The following ROBO2 variants were observed in gnomAD, a reference collection of about 807,000 sequenced individuals.
ROBO2 encodes roundabout guidance receptor 2.
ROBO2 carries 53 observed loss-of-function variants against 160.8 expected under a neutral mutation model. That is an observed-to-expected ratio of 0.33 (90% CI 0.26 to 0.41). The LOEUF (loss-of-function observed/expected upper bound fraction) is 0.41. ROBO2 is among the 10% of genes least tolerant of loss of function. The pLI, the probability that ROBO2 is intolerant of heterozygous loss-of-function variation, is 1.00. For missense variants in ROBO2, 1,577 were observed against 1,722.4 expected, an observed-to-expected ratio of 0.92 and a Z score of 1.49; for synonymous variants, 664 against 611.7, an observed-to-expected ratio of 1.09 and a Z score of -1.26.
At chr3:77,488,802 T>G (rs529379402) in intron 4 of ROBO2, among the ~76,000 whole-genome samples, 1 of 152,348 alleles carries the variant, frequency 6.6e-6, no homozygotes, top group East Asian at 1.9e-4. Context: ...GCATTTGAAA[T>G]ACATTTTTGG....
intron 5 of ROBO2, among the ~76,000 whole-genome samples, chr3:77,519,117 T>C (rs1028697236): frequency 6.6e-6 from 1 of 151,462 alleles, no homozygotes; most frequent in Non-Finnish European, 1.5e-5. Context: ...TCCCAAGTAA[T>C]ATTTAATTTT....
chr3:77,469,301 C>T (rs902127552), intron 2 of ROBO2, among the ~76,000 whole-genome samples: 1 of 152,154 alleles, frequency 6.6e-6, no homozygotes, highest in Non-Finnish European at 1.5e-5. Context: ...TTGTACATAG[C>T]TCCAGTTTCA....
chr3:77,117,588 A>G (rs10428070), intron 2 of ROBO2, among the ~76,000 whole-genome samples: 27,230 of 151,934 alleles, frequency 0.18, 4,085 homozygotes, highest in African/African-American at 0.41. Flanking sequence ...AAAGTTCTAC[A>G]TAAATTTAAG....
intron 1 of ROBO2, among the ~76,000 whole-genome samples, chr3:75,912,686 G>A (rs954518822): frequency 1.3e-5 from 2 of 152,108 alleles, no homozygotes; most frequent in African/African-American, 4.8e-5. Flanking sequence ...ATTATGGGAA[G>A]GGTGAAATAG....
At chr3:76,590,239 T>C (rs2086330796) in intron 2 of ROBO2, among the ~76,000 whole-genome samples, 2 of 152,288 alleles carry the variant, frequency 1.3e-5, no homozygotes, top group South Asian at 4.1e-4. Flanking sequence ...TGTATGCTAA[T>C]ATTATTTTAA....
chr3:77,245,622 T>TCC (rs2089635085), intron 2 of ROBO2, among the ~76,000 whole-genome samples: 1 of 152,224 alleles, frequency 6.6e-6, no homozygotes, highest in Non-Finnish European at 1.5e-5. Flanking sequence ...AGGATGAAGC[T>TCC]GTGTGGATAC....
At chr3:76,178,299 G>A (rs1012645434) in intron 2 of ROBO2, among the ~76,000 whole-genome samples, 1 of 151,982 alleles carries the variant, frequency 6.6e-6, no homozygotes, top group South Asian at 2.1e-4. Context: ...TTAGATGAGC[G>A]TCATACAGCA....
chr3:76,666,951 TTATATGACATATA>T (rs764616370), intron 2 of ROBO2, among the ~76,000 whole-genome samples: 2 of 134,630 alleles, frequency 1.5e-5, no homozygotes, highest in African/African-American at 5.1e-5. Context: ...TATATATATA[TTATATGACATATA>T]TATATGACAT....
chr3:76,634,710 AAAG>A (rs887319906), intron 2 of ROBO2, among the ~76,000 whole-genome samples: 6 of 152,206 alleles, frequency 3.9e-5, no homozygotes, highest in African/African-American at 1.4e-4. Context: ...GGCTTCAACA[AAAG>A]AAATTGCAAG....
chr3:77,412,938 T>G (rs2076918694), intron 2 of ROBO2, among the ~76,000 whole-genome samples: 2 of 152,148 alleles, frequency 1.3e-5, no homozygotes, highest in South Asian at 4.1e-4. Context: ...TAATAAGGGC[T>G]GGGCACAGTG....
intron 2 of ROBO2, among the ~76,000 whole-genome samples, chr3:77,322,871 T>TGATGTAATATATTATATTATACA (rs1414385587): frequency 1.4e-5 from 1 of 71,494 alleles, no homozygotes; most frequent in African/African-American, 8.6e-5. Flanking sequence ...TTATAATATA[T>TGATGTAATATATTATATTATACA]TATGTAATAT....
intron 2 of ROBO2, among the ~76,000 whole-genome samples, chr3:76,848,704 GAGAA>G (rs954366945): frequency 3.9e-5 from 6 of 152,170 alleles, no homozygotes; most frequent in Admixed American, 3.3e-4. Context: ...TGGGGAGAGG[GAGAA>G]AGAGAGTCTC....
chr3:77,095,673 G>GA, intron 1 of ROBO2, among the ~76,000 whole-genome samples: 1 of 152,144 alleles, frequency 6.6e-6, no homozygotes, highest in Admixed American at 6.5e-5. Context: ...TAAGATCAGA[G>GA]TCTACAGCTA....
intron 2 of ROBO2, among the ~76,000 whole-genome samples, chr3:77,334,847 A>G (rs530508450): frequency 6.6e-6 from 1 of 152,220 alleles, no homozygotes; most frequent in Non-Finnish European, 1.5e-5. Context: ...TGCACAGTCC[A>G]TAAGAGAATT....
chr3:77,406,474 G>A (rs2076264465), intron 2 of ROBO2, among the ~76,000 whole-genome samples: 1 of 151,966 alleles, frequency 6.6e-6, no homozygotes, highest in African/African-American at 2.4e-5. Context: ...TTTTTTGTTT[G>A]TATCAAAGTT....
chr3:76,643,902 G>A (rs987436179), intron 2 of ROBO2, among the ~76,000 whole-genome samples: 1 of 151,854 alleles, frequency 6.6e-6, no homozygotes, highest in African/African-American at 2.4e-5. Context: ...AAAAAAAAGA[G>A]TATATCTGTG....
intron 2 of ROBO2, among the ~76,000 whole-genome samples, chr3:76,180,324 C>A (rs943958460): frequency 6.6e-6 from 1 of 152,092 alleles, no homozygotes; most frequent in Admixed American, 6.6e-5. Flanking sequence ...TTTGCTGATT[C>A]TGACTTTGCT....
intron 2 of ROBO2, among the ~76,000 whole-genome samples, chr3:76,714,968 A>G (rs1374800952): frequency 6.6e-6 from 1 of 152,138 alleles, no homozygotes; most frequent in Non-Finnish European, 1.5e-5. Context: ...AGGTGACCCC[A>G]AGCTCATAAA....
intron 2 of ROBO2, among the ~76,000 whole-genome samples, chr3:77,415,359 T>C (rs2077129385): frequency 6.6e-6 from 1 of 152,108 alleles, no homozygotes; most frequent in Admixed American, 6.5e-5. Context: ...AATGGTGACG[T>C]TAAGTATGTC....
Sources: allele counts gnomAD v4.1 joint callset (sites outside exome capture counted in the v4.1 genomes callset), GRCh38; gene constraint gnomAD v4.1.1; transcripts MANE v1.5; gene names NCBI Gene and HGNC (gene_info 2026-07-23, HGNC 2026-07-21).